The following ZBTB17 variants were observed in gnomAD, a reference collection of about 807,000 sequenced individuals.
The protein encoded by ZBTB17 is zinc finger and BTB domain-containing protein 17.
ZBTB17 carries 24 observed loss-of-function variants against 85.1 expected under a neutral mutation model. The observed-to-expected ratio is 0.28, with a 90% CI of 0.20 to 0.40. The LOEUF (loss-of-function observed/expected upper bound fraction) is 0.40. ZBTB17 is among the 10% of genes least tolerant of loss of function. The pLI, the probability that ZBTB17 is intolerant of heterozygous loss-of-function variation, is 1.00. For synonymous variants in ZBTB17, 464 were observed against 460.2 expected, an observed-to-expected ratio of 1.01 and a Z score of -0.11; for missense variants, 743 against 1,105.1, an observed-to-expected ratio of 0.67 and a Z score of 4.65.
chr1:15,969,876 C>A (rs114292614), intron 2 of ZBTB17: 3 of 602,600 alleles, frequency 5.0e-6, no homozygotes, highest in East Asian at 3.3e-5. Context: ...CTGTAAAATT[C>A]CCCTTAGACA....
chr1:15,974,334 CTTT>C (rs80079974), intron 1 of ZBTB17, among the ~76,000 whole-genome samples: 1 of 139,534 alleles, frequency 7.2e-6, no homozygotes, highest in Non-Finnish European at 1.6e-5. Flanking sequence ...TTTTTTTTTC[CTTT>C]TTTTTTTTTT....
At chr1:15,974,269 T>A (rs1185892424) in intron 1 of ZBTB17, among the ~76,000 whole-genome samples, 1 of 149,620 alleles carries the variant, frequency 6.7e-6, no homozygotes, top group African/African-American at 2.4e-5. Flanking sequence ...TCCTCCCACC[T>A]CAGCCTTCCA....
At chr1:15,957,503 G>T (rs1366259744) in intron 2 of ZBTB17, among the ~76,000 whole-genome samples, 1 of 152,074 alleles carries the variant, frequency 6.6e-6, no homozygotes, top group Non-Finnish European at 1.5e-5. Context: ...GCTCGCCCAG[G>T]GTCTCAGGGA....
chr1:15,941,977 C>T lies in ZBTB17; in HGVS notation c.2404G>A (p.Ala802Thr). Reference sequence around the variant, plus strand: ...TCAGAAGGGCCGCCAGCTCACTCGGCAGGCGGGGGACATTCAGGAGCTGTA... The same window carrying T: ...TCAGAAGGGCCGCCAGCTCACTCGGTAGGCGGGGGACATTCAGGAGCTGTA... ...SPTAPECPPP[A>T]E Residue 802 changes from alanine (A) to threonine (T), a missense_variant, in exon 16 of 16, where the codon GCC (alanine) becomes ACC (threonine). Ala to Thr is a moderately conservative substitution (Grantham distance 58). Coordinates refer to ENST00000375743, the MANE Select transcript of ZBTB17 (RefSeq NM_003443.3). The T allele has an allele frequency of 6.3e-7, 1 of 1,593,372 alleles. No homozygotes were observed.
chr1:15,971,474 CTA>C (rs1158483484), intron 2 of ZBTB17, among the ~76,000 whole-genome samples: 73 of 95,686 alleles, frequency 7.6e-4, no homozygotes, highest in Admixed American at 2.2e-3. Flanking sequence ...TACACACACA[CTA>C]TATATATACA....
intron 2 of ZBTB17, among the ~76,000 whole-genome samples, chr1:15,971,569 C>CTA (rs375789924): frequency 4.6e-4 from 64 of 137,800 alleles, no homozygotes; most frequent in Non-Finnish European, 8.1e-4. Flanking sequence ...TACACACACA[C>CTA]TATATATATA....
chr1:15,947,304 C>T (rs1167615125), intron 3 of ZBTB17, 181 bp from the exon 4 acceptor site: 3 of 630,802 alleles, frequency 4.8e-6, no homozygotes, highest in Non-Finnish European at 8.2e-6. Context: ...GCACTACCAA[C>T]AGCCCTTGAA....
At chr1:15,948,117 GC>G (rs1557778474) in intron 3 of ZBTB17, 173 bp downstream of exon 3, 1 of 737,868 alleles carries the variant, frequency 1.4e-6, no homozygotes, top group Non-Finnish European at 2.3e-6. Flanking sequence ...ATCAAAACAG[GC>G]CCCCAAAAGG....
At chr1:15,968,209 C>G (rs2072514666) in intron 2 of ZBTB17, among the ~76,000 whole-genome samples, 1 of 152,220 alleles carries the variant, frequency 6.6e-6, no homozygotes. Flanking sequence ...TTCACCATGT[C>G]TATTTCCCAT....
chr1:15,945,649 C>T lies in ZBTB17; in HGVS notation c.661+66G>A, dbSNP rs775383036. 17 of 1,589,350 alleles carry T rather than the reference C, an allele frequency of 1.1e-5. No homozygotes were observed. In the Admixed American group the frequency reaches 1.5e-4, roughly 14 times the overall value. ...GCAGGAGGAGAGGGAGGCCCCAGTG[C>T]GCAGTGGAGGCAGGGCCCTGGGAGG... On this transcript the variant is annotated intron_variant, in intron 6 of 15. Transcript: ENST00000375743.
Position 15,944,904 on chromosome 1 carries a change from C to T in ZBTB17, c.927+33G>A. 3 of 1,562,074 alleles carry T rather than the reference C, an allele frequency of 1.9e-6. No homozygotes were observed. In the South Asian group the frequency reaches 3.5e-5, roughly 18 times the overall value. On this transcript the variant is annotated intron_variant, in intron 7 of 15. Transcript: ENST00000375743. ...GGTGGGAGGCCGGAGGGGAGGGACG[C>T]TGGCTGGGAGGGCTGGCCATAGTCT...
chr1:15,958,647 G>C (rs1453254317), intron 2 of ZBTB17, among the ~76,000 whole-genome samples: 1 of 152,174 alleles, frequency 6.6e-6, no homozygotes, highest in African/African-American at 2.4e-5. Flanking sequence ...GGCTGGGTCT[G>C]AGCCCCAGCC....
chr1:15,974,498 C>T (rs2072789068), intron 1 of ZBTB17, among the ~76,000 whole-genome samples: 3 of 151,808 alleles, frequency 2.0e-5, no homozygotes, highest in Admixed American at 6.6e-5. Flanking sequence ...TAAATGGCTT[C>T]CCATTAACCT....
At position 15,951,449 on chromosome 1, in the gene ZBTB17, C is replaced by T. The variant is rs1331923268; in HGVS notation, c.-2-2952G>A. On this transcript the variant is annotated intron_variant, in intron 2 of 15. Coordinates refer to ENST00000375743, the MANE Select transcript of ZBTB17 (RefSeq NM_003443.3). The surrounding 1 kb of genome is among the most constrained non-coding windows in gnomAD (Gnocchi z 4.1). ...GCAGCTCGAGGGGGCCAGGAGGGGGCGGACTAAGTGCTAAATGGTGTTACC... is the reference window on the plus strand; with the variant it reads ...GCAGCTCGAGGGGGCCAGGAGGGGGTGGACTAAGTGCTAAATGGTGTTACC... 1.3e-5 allele frequency among the ~76,000 whole-genome samples: 2 copies of T among 152,098 alleles called. No individual in the cohort carries two copies. Among genetic ancestry groups the T allele is most frequent in the African/African-American group, 4.8e-5 (2 of 41,426 alleles).
rs2071871463 is a variant in ZBTB17, at chr1:15,951,979, A to G, written c.-2-3482T>C. Among the ~76,000 whole-genome samples the G allele has an allele frequency of 6.6e-6, 1 of 151,936 alleles. No individual in the cohort carries two copies. Among genetic ancestry groups the G allele is most frequent in the Admixed American group, 6.5e-5 (1 of 15,270 alleles). The stretch of plus-strand genomic sequence containing the variant: ...CCCACCAGGCAGCCTGCCCCACCCC[A>G]CCCTTGGAATACGGTGCCCATCGCT... On this transcript the variant is annotated intron_variant, in intron 2 of 15. Transcript: ENST00000375743. This position sits in a 1 kb window ranked among gnomAD's most constrained non-coding sequence, Gnocchi z 4.1.
intron 2 of ZBTB17, among the ~76,000 whole-genome samples, chr1:15,972,817 C>T (rs10927875): frequency 0.28 from 43,110 of 152,104 alleles, 6,580 homozygotes; most frequent in Non-Finnish European, 0.32. Context: ...TAACTAAAGG[C>T]GTGAGCATTG....
In ZBTB17 at chr1:15,946,300, G is replaced by A; in HGVS notation, c.395-6C>T. On this transcript the variant is annotated splice_polypyrimidine_tract_variant and splice_region_variant and intron_variant, in intron 4 of 15. Coordinates refer to ENST00000375743, the MANE Select transcript of ZBTB17 (RefSeq NM_003443.3). ...TTTGGCTCTCTTGTCCCCTCCTGGA[G>A]ATGGAACAGGGCAGACCTGCCGTTT... The A allele has an allele frequency of 6.2e-7, 1 of 1,611,640 alleles. No individual in the cohort carries two copies. Among genetic ancestry groups the A allele is most frequent in the Non-Finnish European group, 8.5e-7 (1 of 1,178,306 alleles).
At chr1:15,968,931 C>G (rs1341658968) in intron 2 of ZBTB17, among the ~76,000 whole-genome samples, 1 of 152,204 alleles carries the variant, frequency 6.6e-6, no homozygotes, top group Non-Finnish European at 1.5e-5. Flanking sequence ...CAGGGGTTCC[C>G]AACCCCTGGG....
At chr1:15,949,035 G>C (rs985895612) in intron 2 of ZBTB17, among the ~76,000 whole-genome samples, 2 of 152,126 alleles carry the variant, frequency 1.3e-5, no homozygotes, top group Admixed American at 6.6e-5. Flanking sequence ...GCCCCTCTCA[G>C]GCTCTGCACG....
Sources: allele counts gnomAD v4.1 joint callset (sites outside exome capture counted in the v4.1 genomes callset), GRCh38; gene constraint gnomAD v4.1.1; non-coding constraint Gnocchi (gnomAD v3.1); transcripts MANE v1.5; gene names NCBI Gene and HGNC (gene_info 2026-07-23, HGNC 2026-07-21).